The following MAGI2 variants were observed in gnomAD, a reference collection of about 807,000 sequenced individuals.
MAGI2 encodes membrane associated guanylate kinase, WW and PDZ domain containing 2, also known as membrane-associated guanylate kinase, WW and PDZ domain-containing protein 2.
A neutral mutation model predicts 133.3 loss-of-function variants in MAGI2; 35 were observed. The observed-to-expected ratio is 0.26, with a 90% CI of 0.20 to 0.35. The LOEUF (loss-of-function observed/expected upper bound fraction) is 0.35, where lower values mean the gene tolerates loss of function less well. Ranked by LOEUF, MAGI2 falls within the 10% of genes least tolerant of loss-of-function variation. MAGI2 has a pLI of 1.00. For synonymous variants in MAGI2, 729 were observed against 710.6 expected (o/e 1.03, Z -0.41); for missense variants, 1,636 against 1,863.4 (o/e 0.88, Z 2.25).
At chr7:79,383,251 G>A (rs1332773713) in intron 1 of MAGI2, among the ~76,000 whole-genome samples, 2 of 151,570 alleles carry the variant, frequency 1.3e-5, no homozygotes, top group Non-Finnish European at 3.0e-5. Context: ...AAGAAGGAAT[G>A]TCCAGGATGC....
In MAGI2 at chr7:79,011,916, CCTTCCTTCCTTTCTTT is replaced by C. The variant is rs1261682306; in HGVS notation, c.302-4726_302-4711del. ...TCCTTCCTTCCTTCCTTCCTTCCTT[CCTTCCTTCCTTTCTTT>C]CTTTCTTTCTTTCTTTCTCTGTTCT... is the stretch of plus-strand genomic sequence containing the variant. On this transcript the variant is annotated intron_variant, in intron 1 of 21. Transcript: ENST00000354212. 7.0e-3 allele frequency among the ~76,000 whole-genome samples: 899 copies of C among 128,212 alleles called. 8 individuals are homozygous for C. The highest frequency in any genetic ancestry group is 0.01 in the Non-Finnish European group (648 of 63,106). The allele number at this position is 128,212 out of a possible 152,430, so 84.1% of individuals were successfully genotyped here.
chr7:78,527,722 AC>A lies in MAGI2; in HGVS notation c.539-6078del, dbSNP rs201145103. On this transcript the variant is annotated intron_variant, in intron 3 of 21. Transcript: ENST00000354212. ...TACTTCCAACACCTTTTTTCTTTAAACAAGATCAGTTTTCATGATGGAAACA... is the reference window on the plus strand; with the variant it reads ...TACTTCCAACACCTTTTTTCTTTAAAAAGATCAGTTTTCATGATGGAAACA... Among the ~76,000 whole-genome samples the A allele has an allele frequency of 7.3e-3, 1,114 of 152,302 alleles. 16 individuals carry two copies. Among genetic ancestry groups the A allele is most frequent in the African/African-American group, 0.025 (1,040 of 41,572 alleles).
At chr7:78,461,417 T>TGTGTGTGTGTGC (rs1401277078) in intron 6 of MAGI2, among the ~76,000 whole-genome samples, 3 of 147,118 alleles carry the variant, frequency 2.0e-5, no homozygotes, top group African/African-American at 7.4e-5. Flanking sequence ...TGTGTGTGTG[T>TGTGTGTGTGTGC]GTGTGTGTTG....
intron 1 of MAGI2, among the ~76,000 whole-genome samples, chr7:79,253,625 A>G (rs917248546): frequency 6.6e-6 from 1 of 152,128 alleles, no homozygotes; most frequent in Non-Finnish European, 1.5e-5. Context: ...CCTATATGAC[A>G]GAAAGGGACT....
rs556128183 is a variant in MAGI2, at chr7:79,217,993, A to T, written c.302-210787T>A. ...GCACGAATATTAGGCTTTTGATTTGAAAAAAAAGTATTGTTTTGGTCTCAG... is the reference window on the plus strand; with the variant it reads ...GCACGAATATTAGGCTTTTGATTTGTAAAAAAAGTATTGTTTTGGTCTCAG... On this transcript the variant is annotated intron_variant, in intron 1 of 21. Transcript: ENST00000354212. Among the ~76,000 whole-genome samples the T allele has an allele frequency of 3.0e-4, 46 of 151,472 alleles. No homozygotes were observed. The South Asian group carries it at 9.1e-3, about 30-fold the overall frequency.
At chr7:78,898,173 T>C (rs1484184112) in intron 2 of MAGI2, among the ~76,000 whole-genome samples, 1 of 151,908 alleles carries the variant, frequency 6.6e-6, no homozygotes, top group African/African-American at 2.4e-5. Context: ...TATTAAAAAG[T>C]CAAAAAATAA....
intron 10 of MAGI2, among the ~76,000 whole-genome samples, chr7:78,229,239 G>A (rs1789711156): frequency 6.6e-6 from 1 of 152,314 alleles, no homozygotes; most frequent in African/African-American, 2.4e-5. Flanking sequence ...TGTGCTAAGT[G>A]CTCTATGTGG....
intron 20 of MAGI2, among the ~76,000 whole-genome samples, chr7:78,119,043 G>T (rs903388439): frequency 2.6e-5 from 4 of 152,168 alleles, no homozygotes; most frequent in Admixed American, 6.5e-5. Context: ...CTAAGTGAAA[G>T]AAGTCCATCT....
chr7:78,958,300 G>A (rs961141750), intron 2 of MAGI2, among the ~76,000 whole-genome samples: 1 of 152,126 alleles, frequency 6.6e-6, no homozygotes, highest in Admixed American at 6.6e-5. Flanking sequence ...CCTGGGATAG[G>A]TCTTCTAAAT....
At chr7:79,102,268 C>G (rs546383977) in intron 1 of MAGI2, among the ~76,000 whole-genome samples, 1 of 152,030 alleles carries the variant, frequency 6.6e-6, no homozygotes, top group Admixed American at 6.6e-5. Flanking sequence ...ATGTTGCCAA[C>G]TTTTTTTGCT....
chr7:79,035,588 A>C (rs1811054490), intron 1 of MAGI2, among the ~76,000 whole-genome samples: 1 of 152,222 alleles, frequency 6.6e-6, no homozygotes, highest in South Asian at 2.1e-4. Flanking sequence ...TGTTTCAATC[A>C]ACATCATAAG....
At chr7:79,127,032 T>C (rs1355565284) in intron 1 of MAGI2, among the ~76,000 whole-genome samples, 1 of 150,098 alleles carries the variant, frequency 6.7e-6, no homozygotes, top group Non-Finnish European at 1.5e-5. Flanking sequence ...TTCCCACCTA[T>C]GAGTGAGAAC....
At chr7:79,262,608 G>T (rs2129556533) in intron 1 of MAGI2, among the ~76,000 whole-genome samples, 1 of 152,160 alleles carries the variant, frequency 6.6e-6, no homozygotes, top group Admixed American at 6.5e-5. Flanking sequence ...CACTTTTTTG[G>T]CTGAAGCAAA....
intron 6 of MAGI2, among the ~76,000 whole-genome samples, chr7:78,429,834 T>G (rs1034810297): frequency 6.6e-6 from 1 of 152,082 alleles, no homozygotes; most frequent in African/African-American, 2.4e-5. Context: ...ACCTCATGAG[T>G]ACCCAAAGAT....
intron 7 of MAGI2, among the ~76,000 whole-genome samples, chr7:78,356,327 A>G (rs570455105): frequency 6.6e-6 from 1 of 152,226 alleles, no homozygotes; most frequent in Non-Finnish European, 1.5e-5. Flanking sequence ...TCTGAGGGCC[A>G]GTGATCTAAG....
intron 21 of MAGI2, among the ~76,000 whole-genome samples, chr7:78,029,598 G>T (rs1184818456): frequency 6.6e-6 from 1 of 152,248 alleles, no homozygotes; most frequent in Admixed American, 6.5e-5. Context: ...AACCGCAGAG[G>T]CCCTTTAGGC....
intron 9 of MAGI2, among the ~76,000 whole-genome samples, chr7:78,280,853 CAAA>C (rs36097343): frequency 4.6e-5 from 5 of 108,070 alleles, no homozygotes; most frequent in East Asian, 2.8e-4. Context: ...GATGGGTATA[CAAA>C]AAAAAAAAAA....
intron 1 of MAGI2, among the ~76,000 whole-genome samples, chr7:79,169,147 C>A (rs769628110): frequency 6.6e-6 from 1 of 151,904 alleles, no homozygotes; most frequent in African/African-American, 2.4e-5. Flanking sequence ...CCCTTATATT[C>A]TGGTCCCTTT....
intron 2 of MAGI2, among the ~76,000 whole-genome samples, chr7:78,834,337 T>C (rs1039954979): frequency 2.0e-5 from 3 of 152,140 alleles, no homozygotes; most frequent in Non-Finnish European, 4.4e-5. Context: ...ACCCCACATT[T>C]CTTAGCCTTC....
Sources: allele counts gnomAD v4.1 joint callset (sites outside exome capture counted in the v4.1 genomes callset), GRCh38; gene constraint gnomAD v4.1.1; transcripts MANE v1.5; gene names NCBI Gene and HGNC (gene_info 2026-07-23, HGNC 2026-07-21).